CNTN6: variants seen among roughly 807,000 people sequenced by gnomAD.
CNTN6 encodes contactin 6, also known as contactin-6.
A neutral mutation model predicts 122.8 loss-of-function variants in CNTN6; 137 were observed. That is an observed-to-expected ratio of 1.12 (90% confidence interval 0.97 to 1.29). CNTN6 has a LOEUF of 1.29. CNTN6 is among the 50% of genes most tolerant of loss of function. CNTN6 has a pLI of 0.00. For synonymous variants in CNTN6, 570 were observed against 426.0 expected (o/e 1.34, Z -4.16); for missense variants, 1,634 against 1,223.4 (o/e 1.34, Z -5.01).
intron 17 of CNTN6, 99 bp downstream of exon 17, chr3:1,377,174 C>T (rs1385884806): frequency 1.1e-5 from 8 of 749,174 alleles, no homozygotes; most frequent in Admixed American, 2.8e-5. Flanking sequence ...CTATTGAGAG[C>T]GTAAAAAAAT....
At chr3:1,269,769 T>C (rs2094991196) in intron 4 of CNTN6, among the ~76,000 whole-genome samples, 1 of 152,172 alleles carries the variant, frequency 6.6e-6, no homozygotes, top group South Asian at 2.1e-4. Flanking sequence ...CATTATGTGC[T>C]CCTTACTATT....
intron 2 of CNTN6, among the ~76,000 whole-genome samples, chr3:1,207,736 G>C (rs1280941099): frequency 6.6e-6 from 1 of 151,946 alleles, no homozygotes; most frequent in African/African-American, 2.4e-5. Flanking sequence ...TGTATTTTCA[G>C]GCTCTAAGAT....
At position 1,169,922 on chromosome 3, in the gene CNTN6, A is replaced by T. The variant is rs377169677; in HGVS notation, c.55+21859A>T. Among the ~76,000 whole-genome samples, 108 of 152,120 alleles carry T rather than the reference A, an allele frequency of 7.1e-4. No individual in the cohort carries two copies. The South Asian group carries it at 0.022, about 31-fold the overall frequency. ...GATATGGGTGGCCCATATTATATTC[A>T]CCTTAAATTTTATTAGAAAAAGAAT... On this transcript the variant is annotated intron_variant, in intron 2 of 22. Transcript: ENST00000446702.
chr3:1,316,591 G>T (rs1264475693), intron 7 of CNTN6, among the ~76,000 whole-genome samples: 1 of 151,708 alleles, frequency 6.6e-6, no homozygotes, highest in Non-Finnish European at 1.5e-5. Flanking sequence ...CATGAGATTT[G>T]GGCAGGGACA....
At chr3:1,154,230 G>T (rs1420783220) in intron 2 of CNTN6, among the ~76,000 whole-genome samples, 1 of 152,114 alleles carries the variant, frequency 6.6e-6, no homozygotes, top group Non-Finnish European at 1.5e-5. Context: ...GAAATGATTG[G>T]TATGCAGACT....
chr3:1,158,561 T>A (rs1344960814), intron 2 of CNTN6, among the ~76,000 whole-genome samples: 1 of 149,164 alleles, frequency 6.7e-6, no homozygotes, highest in Non-Finnish European at 1.5e-5. Flanking sequence ...AAAGATTGTT[T>A]CTTGACACAG....
intron 7 of CNTN6, among the ~76,000 whole-genome samples, chr3:1,311,699 A>C (rs938675334): frequency 6.6e-6 from 1 of 151,570 alleles, no homozygotes; most frequent in Non-Finnish European, 1.5e-5. Flanking sequence ...CCCAAAGGAT[A>C]ACTACTCTTA....
chr3:1,147,968 C>T lies in CNTN6; in HGVS notation c.-41C>T. 1.3e-6 allele frequency: 2 copies of T among 1,506,018 alleles called. No individual in the cohort carries two copies. Among genetic ancestry groups the T allele is most frequent in the Non-Finnish European group, 1.8e-6 (2 of 1,084,106 alleles). 93.3% of individuals were successfully genotyped at this position (1,506,018 alleles called of 1,614,324 possible). ...CTGGAAGATAGACTGTTTTGTTCCA[C>T]CTGATTGTATGGGAGAAATTTTTGA... is the stretch of plus-strand genomic sequence containing the variant. On this transcript the variant is annotated 5_prime_UTR_variant, in exon 2 of 23. Transcript: ENST00000446702.
At chr3:1,383,236 T>C in intron 18 of CNTN6, 57 bp from the exon 19 acceptor site, 2 of 1,596,962 alleles carry the variant, frequency 1.3e-6, no homozygotes, top group East Asian at 2.2e-5. Flanking sequence ...TGTTCCCTTG[T>C]TCCATTTTCA....
chr3:1,397,653 A>G (rs1344976943), intron 20 of CNTN6, among the ~76,000 whole-genome samples: 1 of 152,154 alleles, frequency 6.6e-6, no homozygotes, highest in African/African-American at 2.4e-5. Context: ...ACAAAACACT[A>G]CTTATGTGGA....
At chr3:1,360,468 C>T (rs1049990521) in intron 12 of CNTN6, among the ~76,000 whole-genome samples, 14 of 151,750 alleles carry the variant, frequency 9.2e-5, no homozygotes, top group African/African-American at 3.4e-4. Flanking sequence ...CCTAAAAGCC[C>T]TGTTATTTAA....
At chr3:1,276,647 GTT>G (rs1489433489) in intron 4 of CNTN6, among the ~76,000 whole-genome samples, 1 of 152,094 alleles carries the variant, frequency 6.6e-6, no homozygotes, top group Non-Finnish European at 1.5e-5. Context: ...TCTGGAAGCA[GTT>G]CTTTCCCTCT....
At chr3:1,398,629 C>G (rs1695276398) in intron 20 of CNTN6, among the ~76,000 whole-genome samples, 1 of 152,044 alleles carries the variant, frequency 6.6e-6, no homozygotes, top group African/African-American at 2.4e-5. Flanking sequence ...TTAACAGTTA[C>G]AGGGCTTTTT....
rs946479365 is a variant in CNTN6, at chr3:1,277,362, T to C, written c.359-1051T>C. On this transcript the variant is annotated intron_variant, in intron 4 of 22. Transcript: ENST00000446702. ...GTAGGTTTTCTTTTTTTTTTTTTTT[T>C]TTTTTTTTTTTTTTTGAGACCGATT... is the stretch of plus-strand genomic sequence containing the variant. 4.6e-4 allele frequency among the ~76,000 whole-genome samples: 60 copies of C among 131,262 alleles called. 1 individual carries two copies. The East Asian group carries it at 0.01, about 22-fold the overall frequency. 86.1% of individuals were successfully genotyped at this position (131,262 alleles called of 152,430 possible). A position where few individuals can be genotyped will look rare whatever the true frequency, so the allele number is the denominator to read the frequency against.
chr3:1,158,861 T>TAC (rs780454541), intron 2 of CNTN6, among the ~76,000 whole-genome samples: 31,241 of 98,440 alleles, frequency 0.32, 5,150 homozygotes, highest in East Asian at 0.47. Context: ...TACATATATA[T>TAC]ACACACATAT....
intron 1 of CNTN6, among the ~76,000 whole-genome samples, chr3:1,142,646 C>CAT (rs1416355710): frequency 6.6e-6 from 1 of 151,966 alleles, no homozygotes; most frequent in African/African-American, 2.4e-5. Context: ...CTTTGCAAGC[C>CAT]ATATGGTCTC....
chr3:1,365,126 G>A (rs2126116459), intron 12 of CNTN6, among the ~76,000 whole-genome samples: 1 of 152,014 alleles, frequency 6.6e-6, no homozygotes, highest in Admixed American at 6.6e-5. Flanking sequence ...AGAAGTAGAG[G>A]TGATAGTATA....
At chr3:1,218,580 C>T (rs562075258) in intron 2 of CNTN6, among the ~76,000 whole-genome samples, 2 of 152,104 alleles carry the variant, frequency 1.3e-5, no homozygotes, top group South Asian at 2.1e-4. Flanking sequence ...GACAGTGATA[C>T]GAGACTAGTC....
chr3:1,284,496 C>T (rs1419461029), intron 5 of CNTN6, among the ~76,000 whole-genome samples: 6 of 151,990 alleles, frequency 3.9e-5, no homozygotes, highest in African/African-American at 1.2e-4. Flanking sequence ...ATAATAGTAA[C>T]GATAATAACC....
Sources: gnomAD v4.1 joint callset for allele counts (sites outside exome capture counted in the v4.1 genomes callset) on GRCh38, gnomAD v4.1.1 for gene constraint, MANE v1.5 for transcripts, NCBI Gene and HGNC (gene_info 2026-07-23, HGNC 2026-07-21) for gene names.